Variants in MOB3B observed in about 807,000 individuals in gnomAD.
The protein encoded by MOB3B is MOB kinase activator 3B.
A neutral mutation model predicts 18.7 loss-of-function variants in MOB3B; 7 were observed. The ratio of observed to expected loss-of-function variants is 0.37; its 90% confidence interval spans 0.21 to 0.70. The LOEUF is 0.70. Among genes scored for constraint, MOB3B ranks in the 30% least tolerant of loss-of-function variants. MOB3B has a pLI of 0.52. For synonymous variants in MOB3B, 111 were observed against 99.9 expected, an observed-to-expected ratio of 1.11 and a Z score of -0.66; for missense variants, 253 against 281.3, an observed-to-expected ratio of 0.90 and a Z score of 0.72.
rs1045648279 is a variant in MOB3B at position 27,431,714 on chromosome 9, A to G, written c.418+23419T>C. Among the ~76,000 whole-genome samples, 7 of 152,204 alleles carry G rather than the reference A, an allele frequency of 4.6e-5. No individual in the cohort carries two copies. In the South Asian group the frequency reaches 1.4e-3, roughly 31 times the overall value. ...GTGACTGGGGATGTGTGAAGCTGGG[A>G]ACTTCTGGGATTCTGAAATGCAAAA... On this transcript the variant is annotated intron_variant, in intron 2 of 3. Transcript: ENST00000262244.
At position 27,529,791 on chromosome 9, in the gene MOB3B, C is replaced by T; in HGVS notation, c.-435G>A. The stretch of plus-strand genomic sequence containing the variant: ...CAGCCCCCTCATGCACCCAGCGCGC[C>T]GCGCAGCCGGCCGGGGCTCGACTGT... On this transcript the variant is annotated 5_prime_UTR_variant, in exon 1 of 4. Transcript: ENST00000262244. 2 of 985,326 alleles carry T rather than the reference C, an allele frequency of 2.0e-6. No homozygotes were observed. The highest frequency in any genetic ancestry group is 2.4e-6 in the Non-Finnish European group (2 of 829,894). The allele number at this position is 985,326 out of a possible 1,614,324, so 61.0% of individuals were successfully genotyped here. A position where few individuals can be genotyped will look rare whatever the true frequency, so the allele number is the denominator to read the frequency against.
At chr9:27,339,104 G>A (rs1587139878) in intron 3 of MOB3B, among the ~76,000 whole-genome samples, 1 of 152,280 alleles carries the variant, frequency 6.6e-6, no homozygotes, top group East Asian at 1.9e-4. Context: ...CTCCCCCTAG[G>A]CTCAGGGGAC....
intron 2 of MOB3B, among the ~76,000 whole-genome samples, chr9:27,445,394 T>G (rs1055685170): frequency 3.3e-5 from 5 of 152,052 alleles, no homozygotes; most frequent in African/African-American, 1.2e-4. Context: ...AAATCAGAAC[T>G]GAAGATGAGC....
intron 2 of MOB3B, among the ~76,000 whole-genome samples, chr9:27,432,026 G>A (rs2131423335): frequency 6.6e-6 from 1 of 152,272 alleles, no homozygotes; most frequent in African/African-American, 2.4e-5. Flanking sequence ...TAGGCAGTGT[G>A]CTTCACAGAA....
intron 1 of MOB3B, among the ~76,000 whole-genome samples, chr9:27,457,626 TCCTC>T (rs1819200690): frequency 6.6e-6 from 1 of 151,596 alleles, no homozygotes; most frequent in African/African-American, 2.4e-5. Context: ...CCTGCTCACT[TCCTC>T]CCTCTTAACC....
chr9:27,463,319 A>G (rs1819323028), intron 1 of MOB3B, among the ~76,000 whole-genome samples: 1 of 152,212 alleles, frequency 6.6e-6, no homozygotes, highest in Non-Finnish European at 1.5e-5. Flanking sequence ...AAGGAAACTG[A>G]GACACAGTGA....
intron 2 of MOB3B, among the ~76,000 whole-genome samples, chr9:27,419,799 T>C (rs1280090224): frequency 6.6e-6 from 1 of 151,884 alleles, no homozygotes; most frequent in Non-Finnish European, 1.5e-5. Flanking sequence ...CAAAGACAAA[T>C]AGCTGAGACC....
chr9:27,497,105 G>T (rs529375409), intron 1 of MOB3B, among the ~76,000 whole-genome samples: 1 of 152,292 alleles, frequency 6.6e-6, no homozygotes, highest in Admixed American at 6.5e-5. Context: ...AATATTCTGA[G>T]TAGCTTCCCA....
At chr9:27,403,765 C>T (rs1224925521) in intron 2 of MOB3B, among the ~76,000 whole-genome samples, 1 of 151,950 alleles carries the variant, frequency 6.6e-6, no homozygotes, top group Non-Finnish European at 1.5e-5. Flanking sequence ...AGGTGTGAGC[C>T]ATTATGCCTG....
rs1250674424 is a variant in MOB3B at position 27,326,440 on chromosome 9, A to C, written c.*4147T>G. 7.5e-6 allele frequency: 3 copies of C among 398,474 alleles called. No individual in the cohort carries two copies. The highest frequency in any genetic ancestry group is 6.2e-5 in the African/African-American group (3 of 48,638). The allele number at this position is 398,474 out of a possible 1,614,324, so 24.7% of individuals were successfully genotyped here. A position where few individuals can be genotyped will look rare whatever the true frequency, so the allele number is the denominator to read the frequency against. Reference sequence around the variant, plus strand: ...CTTTGGACCTTTCTAAAAGTGGGACACTAGAAAAGATATACTGAAACTCAA... The same window carrying C: ...CTTTGGACCTTTCTAAAAGTGGGACCCTAGAAAAGATATACTGAAACTCAA... On this transcript the variant is annotated 3_prime_UTR_variant, in exon 4 of 4. Transcript: ENST00000262244.
intron 1 of MOB3B, among the ~76,000 whole-genome samples, chr9:27,457,832 T>C (rs1242276858): frequency 6.6e-6 from 1 of 152,146 alleles, no homozygotes; most frequent in Admixed American, 6.5e-5. Context: ...GAATAGCACC[T>C]GTAAGGATAT....
At chr9:27,419,060 CAA>C (rs567613310) in intron 2 of MOB3B, among the ~76,000 whole-genome samples, 14 of 123,810 alleles carry the variant, frequency 1.1e-4, no homozygotes, top group Non-Finnish European at 1.2e-4. Flanking sequence ...ACGATAGCTG[CAA>C]AAAAAAAAAA....
chr9:27,471,698 G>A (rs192946621), intron 1 of MOB3B, among the ~76,000 whole-genome samples: 8 of 152,304 alleles, frequency 5.3e-5, no homozygotes, highest in African/African-American at 7.2e-5. Flanking sequence ...AGCAGCAAGC[G>A]CAAGGTAAGT....
At chr9:27,473,727 A>G (rs1398704551) in intron 1 of MOB3B, among the ~76,000 whole-genome samples, 3 of 152,030 alleles carry the variant, frequency 2.0e-5, no homozygotes, top group African/African-American at 7.2e-5. Flanking sequence ...CACACACCCC[A>G]CCTTGCTCAC....
At position 27,430,235 on chromosome 9, in the gene MOB3B, G is replaced by A. The variant is rs185308180; in HGVS notation, c.418+24898C>T. On this transcript the variant is annotated intron_variant, in intron 2 of 3. Coordinates refer to ENST00000262244, the MANE Select transcript of MOB3B (RefSeq NM_024761.5). Reference sequence around the variant, plus strand: ...CTGAGGCCACAAGGGATTGGCAACCGAGCCCCAGGCTTTTCTTTCCTGTGC... The same window carrying A: ...CTGAGGCCACAAGGGATTGGCAACCAAGCCCCAGGCTTTTCTTTCCTGTGC... Among the ~76,000 whole-genome samples, 32 of 152,296 alleles carry A rather than the reference G, an allele frequency of 2.1e-4. No homozygotes were observed. In the East Asian group the frequency reaches 5.6e-3, roughly 27 times the overall value.
At position 27,481,575 on chromosome 9, in the gene MOB3B, G is replaced by A. The variant is rs145459691; in HGVS notation, c.-198-25827C>T. On this transcript the variant is annotated intron_variant, in intron 1 of 3. Transcript: ENST00000262244. ...CTCTGTCGCCCAGGCTGGAGTGCAG[G>A]AGTACAGTGGCGTGATCTCGGCTCA... Among the ~76,000 whole-genome samples the A allele has an allele frequency of 4.3e-3, 645 of 148,340 alleles. 5 individuals carry two copies. Among genetic ancestry groups the A allele is most frequent in the African/African-American group, 0.015 (610 of 39,546 alleles).
chr9:27,414,935 C>T (rs1822123242), intron 2 of MOB3B, among the ~76,000 whole-genome samples: 1 of 152,094 alleles, frequency 6.6e-6, no homozygotes. Context: ...GATCTTGGCT[C>T]ACCACAACCT....
chr9:27,457,587 C>T (rs1819200150), intron 1 of MOB3B, among the ~76,000 whole-genome samples: 1 of 152,168 alleles, frequency 6.6e-6, no homozygotes. Context: ...CCCCGCCCCA[C>T]CCCCAGTCCC....
rs1006400970 is a variant in MOB3B, at chr9:27,327,712, G to C, written c.*2875C>G. 4 of 152,158 alleles carry C rather than the reference G, an allele frequency of 2.6e-5. No individual in the cohort carries two copies. In the South Asian group the frequency reaches 8.3e-4, roughly 32 times the overall value. The allele number at this position is 152,158 out of a possible 1,614,324, so 9.4% of individuals were successfully genotyped here. ...TGGATCCTGGATTTAAAAATAAACA[G>C]CTATAAAGGATATTTTGGGGACAAC... On this transcript the variant is annotated 3_prime_UTR_variant, in exon 4 of 4. Transcript: ENST00000262244.
Sources: gnomAD v4.1 joint callset for allele counts (sites outside exome capture counted in the v4.1 genomes callset) on GRCh38, gnomAD v4.1.1 for gene constraint, MANE v1.5 for transcripts, NCBI Gene and HGNC (gene_info 2026-07-23, HGNC 2026-07-21) for gene names.